BFSP2: variants seen among roughly 807,000 people sequenced by gnomAD.
BFSP2 encodes the protein phakinin.
Under a neutral mutation model 44.9 loss-of-function variants are expected in BFSP2, and 38 were observed. That is an observed-to-expected ratio of 0.85 (90% CI 0.65 to 1.11). The LOEUF (loss-of-function observed/expected upper bound fraction) is 1.11. Among genes scored for constraint, BFSP2 ranks in the 50% least tolerant of loss-of-function variants. The probability of loss-of-function intolerance (pLI) is 0.00; values close to 1 mark genes in which losing one functional copy is unlikely to be tolerated. For synonymous variants in BFSP2, 197 were observed against 209.9 expected (o/e 0.94, Z 0.53); for missense variants, 525 against 533.0 (o/e 0.99, Z 0.15).
chr3:133,446,614 ATATATATATATATATATATATATAT>A (rs2073902637), intron 1 of BFSP2, among the ~76,000 whole-genome samples: 1 of 50,006 alleles, frequency 2.0e-5, no homozygotes, highest in African/African-American at 1.1e-4. Context: ...ATATATATAT[ATATATATATATATATATATATATAT>A]AAAGGAGTTT....
At position 133,450,364 on chromosome 3, in the gene BFSP2, T is replaced by C. The variant is rs1444022070; in HGVS notation, c.791T>C (p.Ile264Thr). Reference sequence around the variant, plus strand: ...GAGCTGGAACAAATGGATGCTCCCATTGGCACTGGTCTGGACGACATCCTT... The same window carrying C: ...GAGCTGGAACAAATGGATGCTCCCACTGGCACTGGTCTGGACGACATCCTT... ...GCELEQMDAPIGTGLDDILET... is the reference protein window; with the variant it reads ...GCELEQMDAPTGTGLDDILET... The change falls in exon 4 of 7, where the codon ATT becomes ACT. Residue 264 changes from isoleucine (I) to threonine (T), a missense_variant. By Grantham distance (89) the Ile-to-Thr change is moderately conservative. Coordinates refer to ENST00000302334, the MANE Select transcript of BFSP2 (RefSeq NM_003571.4). The C allele has an allele frequency of 6.2e-7, 1 of 1,614,168 alleles. No homozygotes were observed. The highest frequency in any genetic ancestry group is 2.2e-5 in the East Asian group (1 of 44,872).
intron 1 of BFSP2, among the ~76,000 whole-genome samples, chr3:133,425,639 A>C (rs2073637347): frequency 6.6e-6 from 1 of 151,862 alleles, no homozygotes; most frequent in Non-Finnish European, 1.5e-5. Flanking sequence ...TCCCCTGCCC[A>C]GGTAGGGCCA....
At chr3:133,462,107 G>A (rs2074069736) in intron 4 of BFSP2, among the ~76,000 whole-genome samples, 1 of 152,176 alleles carries the variant, frequency 6.6e-6, no homozygotes, top group South Asian at 2.1e-4. Context: ...CTGTACTCAG[G>A]ATCCCCTGCA....
chr3:133,427,668 C>T (rs2073666388), intron 1 of BFSP2, among the ~76,000 whole-genome samples: 1 of 152,208 alleles, frequency 6.6e-6, no homozygotes, highest in African/African-American at 2.4e-5. Context: ...ACATCAGACA[C>T]ATCCATCCTG....
At chr3:133,410,370 C>T in intron 1 of BFSP2, 1 of 326,340 alleles carries the variant, frequency 3.1e-6, no homozygotes, top group South Asian at 2.7e-5. Flanking sequence ...ACTCACATAG[C>T]AGTAGTGGGA....
intron 1 of BFSP2, among the ~76,000 whole-genome samples, chr3:133,414,515 ACCTG>A (rs1216319699): frequency 3.5e-5 from 1 of 28,360 alleles, no homozygotes; most frequent in Non-Finnish European, 6.5e-5. Context: ...TCACCCCTCT[ACCTG>A]CCCCTGCCCT....
At chr3:133,429,368 G>A (rs1027819570) in intron 1 of BFSP2, 4 of 152,218 alleles carry the variant, frequency 2.6e-5, no homozygotes, top group Non-Finnish European at 5.9e-5. Context: ...TCAGCAGGTT[G>A]GGAGGCCCAG....
chr3:133,474,882 G>C, intron 6 of BFSP2, 87 bp from the exon 7 acceptor site: 1 of 1,528,578 alleles, frequency 6.5e-7, no homozygotes. Context: ...TCTTTCATGA[G>C]ATGGCCCCCT....
chr3:133,438,019 A>G (rs149985038), intron 1 of BFSP2, among the ~76,000 whole-genome samples: 276 of 152,388 alleles, frequency 1.8e-3, no homozygotes, highest in Non-Finnish European at 3.0e-3. Flanking sequence ...ATCTGAGATT[A>G]TAAGAGAGAA....
intron 1 of BFSP2, among the ~76,000 whole-genome samples, chr3:133,415,685 CTCACCCCTCTA>C (rs2073517414): frequency 9.4e-6 from 1 of 105,958 alleles, no homozygotes; most frequent in Non-Finnish European, 2.1e-5. Flanking sequence ...TTCCCCTCTA[CTCACCCCTCTA>C]CTCACCCCTG....
chr3:133,416,125 A>G (rs1489486025), intron 1 of BFSP2, among the ~76,000 whole-genome samples: 1 of 79,800 alleles, frequency 1.3e-5, no homozygotes, highest in South Asian at 4.0e-4. Context: ...CCGTTCTCTC[A>G]CTCTACTCAC....
At chr3:133,432,898 C>G (rs2073737865) in intron 1 of BFSP2, among the ~76,000 whole-genome samples, 1 of 152,146 alleles carries the variant, frequency 6.6e-6, no homozygotes, top group Non-Finnish European at 1.5e-5. Context: ...ACAACTTGAC[C>G]TTACTGTTTT....
chr3:133,414,176 CCT>C (rs1395468201), intron 1 of BFSP2, among the ~76,000 whole-genome samples: 14 of 118,546 alleles, frequency 1.2e-4, no homozygotes, highest in African/African-American at 2.7e-4. Flanking sequence ...TCACCCCTGC[CCT>C]CTCTCCCCTA....
At chr3:133,448,944 C>A in intron 3 of BFSP2, 10 of 382,530 alleles carry the variant, frequency 2.6e-5, no homozygotes, top group Non-Finnish European at 3.9e-5. Flanking sequence ...AACCCCTCCT[C>A]AATGCATTCT....
intron 3 of BFSP2, chr3:133,448,962 G>GTT (rs11454142): frequency 7.0e-4 from 223 of 319,528 alleles, no homozygotes; most frequent in Middle Eastern, 1.0e-3. Flanking sequence ...TCTATGTCAG[G>GTT]TTTTTTTTTC....
chr3:133,459,678 T>C (rs563481736), intron 4 of BFSP2, among the ~76,000 whole-genome samples: 15 of 152,364 alleles, frequency 9.8e-5, no homozygotes, highest in African/African-American at 3.6e-4. Flanking sequence ...CCCATGTTGC[T>C]AGTGCAGACT....
At chr3:133,455,182 A>G (rs1219298573) in intron 4 of BFSP2, 3 of 152,294 alleles carry the variant, frequency 2.0e-5, no homozygotes, top group Admixed American at 6.5e-5. Context: ...CAGTAAATAC[A>G]TAAACCAGTA....
intron 4 of BFSP2, among the ~76,000 whole-genome samples, chr3:133,459,742 G>A (rs1228718365): frequency 2.6e-5 from 4 of 152,286 alleles, no homozygotes; most frequent in Admixed American, 1.3e-4. Context: ...GAGGAAGGTC[G>A]GGAGTGTGTG....
At chr3:133,435,734 A>T (rs1055383519) in intron 1 of BFSP2, among the ~76,000 whole-genome samples, 1 of 152,132 alleles carries the variant, frequency 6.6e-6, no homozygotes, top group Admixed American at 6.5e-5. Context: ...TACAAGATGA[A>T]TTTTTCCCTT....
Sources: gnomAD v4.1 joint callset for allele counts (sites outside exome capture counted in the v4.1 genomes callset) on GRCh38, gnomAD v4.1.1 for gene constraint, MANE v1.5 for transcripts, NCBI Gene and HGNC (gene_info 2026-07-23, HGNC 2026-07-21) for gene names.